Variants in DLC1 observed in about 807,000 individuals in gnomAD.
DLC1 encodes DLC1 Rho GTPase activating protein.
DLC1 carries 54 observed loss-of-function variants against 140.3 expected under a neutral mutation model. The ratio of observed to expected loss-of-function variants is 0.38; its 90% CI spans 0.31 to 0.48. The LOEUF is 0.48. Among genes scored for constraint, DLC1 ranks in the 20% least tolerant of loss-of-function variants. DLC1 has a pLI of 0.96. For missense variants in DLC1, 2,536 were observed against 1,907.0 expected, an observed-to-expected ratio of 1.33 and a Z score of -6.14; for synonymous variants, 986 against 728.1, an observed-to-expected ratio of 1.35 and a Z score of -5.70.
chr8:13,104,803 C>T (rs761794500), intron 7 of DLC1, among the ~76,000 whole-genome samples: 9 of 152,086 alleles, frequency 5.9e-5, no homozygotes, highest in Non-Finnish European at 1.0e-4. Flanking sequence ...TAGCCCAGAG[C>T]GCCTAGGTTC....
chr8:13,570,156 T>A (rs896041225), intron 1 of DLC1, among the ~76,000 whole-genome samples: 1 of 152,232 alleles, frequency 6.6e-6, no homozygotes, highest in African/African-American at 2.4e-5. Flanking sequence ...TAGTGGTTCT[T>A]TAACATCTGG....
chr8:13,207,136 A>G (rs1266232195), intron 5 of DLC1, among the ~76,000 whole-genome samples: 1 of 152,210 alleles, frequency 6.6e-6, no homozygotes, highest in Admixed American at 6.5e-5. Flanking sequence ...ATTAAAACTC[A>G]TACACAAATT....
rs117314243 is a variant in DLC1 at position 13,095,719 on chromosome 8, C to G, written c.3168-474G>C. 3.3e-3 allele frequency: 518 copies of G among 158,282 alleles called. 10 individuals are homozygous for G. Among genetic ancestry groups the G allele is most frequent in the Non-Finnish European group, 1.9e-3 (138 of 71,376 alleles). 9.8% of individuals were successfully genotyped at this position (158,282 alleles called of 1,614,324 possible). A position where few individuals can be genotyped will look rare whatever the true frequency, so the allele number is the denominator to read the frequency against. The stretch of plus-strand genomic sequence containing the variant: ...GGTGCATCTGATAGAGTGTGAAAAA[C>G]AAGGTCCCTTTTGTCTTGAAAAAAG... On this transcript the variant is annotated intron_variant, in intron 10 of 17. Coordinates refer to ENST00000276297, the MANE Select transcript of DLC1 (RefSeq NM_182643.3).
chr8:13,142,721 C>A (rs1189782222), intron 5 of DLC1, among the ~76,000 whole-genome samples: 1 of 152,004 alleles, frequency 6.6e-6, no homozygotes, highest in Non-Finnish European at 1.5e-5. Flanking sequence ...TATTCTGAAC[C>A]CATGTACCCC....
intron 4 of DLC1, among the ~76,000 whole-genome samples, chr8:13,324,126 G>T (rs1261886730): frequency 6.6e-6 from 1 of 152,138 alleles, no homozygotes; most frequent in African/African-American, 2.4e-5. Flanking sequence ...AGATCTGAAG[G>T]TGTTTTTAAT....
chr8:13,312,040 C>T (rs1421575071), intron 4 of DLC1, among the ~76,000 whole-genome samples: 1 of 152,148 alleles, frequency 6.6e-6, no homozygotes, highest in African/African-American at 2.4e-5. Flanking sequence ...AAAATAAATT[C>T]TAATCATTAT....
chr8:13,250,202 T>C (rs552673908), intron 5 of DLC1, among the ~76,000 whole-genome samples: 2 of 152,342 alleles, frequency 1.3e-5, no homozygotes, highest in Admixed American at 6.5e-5. Context: ...TCCATTCATA[T>C]TGCCTCTTTA....
At chr8:13,576,771 A>C (rs962578800) in intron 1 of DLC1, among the ~76,000 whole-genome samples, 1 of 152,146 alleles carries the variant, frequency 6.6e-6, no homozygotes, top group Non-Finnish European at 1.5e-5. Flanking sequence ...CTGCTGGAGA[A>C]AGTTGGACGT....
chr8:13,105,525 T>G (rs946361693), intron 7 of DLC1, among the ~76,000 whole-genome samples: 1 of 151,938 alleles, frequency 6.6e-6, no homozygotes, highest in African/African-American at 2.4e-5. Context: ...AGATCTTGTC[T>G]AAGTCCACAC....
At chr8:13,472,014 A>T (rs187820310) in intron 2 of DLC1, among the ~76,000 whole-genome samples, 2 of 152,236 alleles carry the variant, frequency 1.3e-5, no homozygotes, top group Admixed American at 1.3e-4. Flanking sequence ...CTACGCACGG[A>T]AAGTCTGTTT....
At chr8:13,364,410 T>C (rs1835385853) in intron 4 of DLC1, among the ~76,000 whole-genome samples, 1 of 152,102 alleles carries the variant, frequency 6.6e-6, no homozygotes, top group South Asian at 2.1e-4. Flanking sequence ...GCCAGTCTCC[T>C]GCCTCAGCCT....
chr8:13,437,624 G>C (rs960513227), intron 2 of DLC1, among the ~76,000 whole-genome samples: 1 of 152,074 alleles, frequency 6.6e-6, no homozygotes, highest in Non-Finnish European at 1.5e-5. Flanking sequence ...CTTACATATG[G>C]AGAATAATAT....
At chr8:13,124,412 G>A (rs1290954803) in intron 5 of DLC1, among the ~76,000 whole-genome samples, 1 of 152,180 alleles carries the variant, frequency 6.6e-6, no homozygotes, top group South Asian at 2.1e-4. Flanking sequence ...AATGCAGTCT[G>A]GATTTACTAC....
At chr8:13,406,151 C>T (rs2604120) in intron 2 of DLC1, among the ~76,000 whole-genome samples, 69,087 of 139,650 alleles carry the variant, frequency 0.49, 18,030 homozygotes, top group Non-Finnish European at 0.58. Context: ...GGATTATACG[C>T]GCCTGCCACC....
intron 2 of DLC1, among the ~76,000 whole-genome samples, chr8:13,438,352 A>G (rs1839215757): frequency 6.6e-6 from 1 of 152,196 alleles, no homozygotes; most frequent in African/African-American, 2.4e-5. Flanking sequence ...TAAGCTAATG[A>G]TAGGATAAAT....
chr8:13,187,172 A>T (rs1256925517), intron 5 of DLC1, among the ~76,000 whole-genome samples: 1 of 151,540 alleles, frequency 6.6e-6, no homozygotes, highest in Admixed American at 6.6e-5. Context: ...CATAGCACTT[A>T]TTACCTTCCA....
intron 4 of DLC1, among the ~76,000 whole-genome samples, chr8:13,357,796 T>C (rs1049926138): frequency 2.0e-5 from 3 of 152,158 alleles, no homozygotes; most frequent in African/African-American, 7.2e-5. Flanking sequence ...AAGACACCTA[T>C]TTTTTTCAAT....
rs766321931 is a variant in DLC1 at position 13,499,730 on chromosome 8, A to G, written c.342T>C (p.Asp114=). 10 of 1,614,038 alleles carry G rather than the reference A, an allele frequency of 6.2e-6. No homozygotes were observed. In the East Asian group the frequency reaches 1.8e-4, roughly 29 times the overall value. The part of the protein sequence containing the change: ...TETLVHVSDE[D]NNADLCLTDD... Reference sequence around the variant, plus strand: ...CTGTAAGGCATAAATCAGCATTGTTATCCTCATCAGAAACATGCACTAGTG... The same window carrying G: ...CTGTAAGGCATAAATCAGCATTGTTGTCCTCATCAGAAACATGCACTAGTG... The change falls in exon 2 of 18, where the codon GAT becomes GAC. Residue 114 remains aspartate (D), a synonymous_variant. Transcript: ENST00000276297.
intron 5 of DLC1, among the ~76,000 whole-genome samples, chr8:13,283,643 T>G (rs1831443939): frequency 6.6e-6 from 1 of 152,138 alleles, no homozygotes; most frequent in South Asian, 2.1e-4. Context: ...GCCTCCTGAG[T>G]AGCCTGGACT....
Sources: gnomAD v4.1 joint callset for allele counts (sites outside exome capture counted in the v4.1 genomes callset) on GRCh38, gnomAD v4.1.1 for gene constraint, MANE v1.5 for transcripts, NCBI Gene and HGNC (gene_info 2026-07-23, HGNC 2026-07-21) for gene names.